Variants in PEX7 observed in about 807,000 individuals in gnomAD.
The protein encoded by PEX7 is peroxisomal biogenesis factor 7.
PEX7 carries 34 observed loss-of-function variants against 47.5 expected under a neutral mutation model. That is an observed-to-expected ratio of 0.72 (90% confidence interval 0.54 to 0.95). The LOEUF (loss-of-function observed/expected upper bound fraction) is 0.95, where lower values mean the gene tolerates loss of function less well. Ranked by LOEUF, PEX7 falls within the 40% of genes least tolerant of loss-of-function variation. The pLI is 0.00. For synonymous variants in PEX7, 141 were observed against 148.8 expected (o/e 0.95, Z 0.38); for missense variants, 394 against 400.3 (o/e 0.98, Z 0.13).
chr6:136,829,689 C>A (rs539957396), intron 3 of PEX7, among the ~76,000 whole-genome samples: 52 of 152,290 alleles, frequency 3.4e-4, no homozygotes, highest in African/African-American at 1.2e-3. Flanking sequence ...GTAATCCTAA[C>A]ACTTTGGAAG....
At chr6:136,895,763 T>C (rs939944123) in intron 8 of PEX7, among the ~76,000 whole-genome samples, 2 of 152,232 alleles carry the variant, frequency 1.3e-5, no homozygotes, top group African/African-American at 4.8e-5. Flanking sequence ...ACCAGAGCTG[T>C]GAAATGGTAT....
intron 8 of PEX7, among the ~76,000 whole-genome samples, chr6:136,887,509 A>G (rs1463617271): frequency 6.6e-6 from 1 of 152,126 alleles, no homozygotes; most frequent in East Asian, 1.9e-4. Flanking sequence ...TATATTTCTG[A>G]TCAAAGTTGC....
chr6:136,847,453 T>C (rs531249529), intron 5 of PEX7, among the ~76,000 whole-genome samples: 272 of 152,166 alleles, frequency 1.8e-3, no homozygotes, highest in Non-Finnish European at 7.9e-4. Context: ...GCCTAGGTTT[T>C]CTTCTAGGGT....
At chr6:136,855,542 G>A (rs1047415986) in intron 5 of PEX7, among the ~76,000 whole-genome samples, 22 of 152,224 alleles carry the variant, frequency 1.4e-4, no homozygotes, top group African/African-American at 5.1e-4. Context: ...CTTTCGCCTT[G>A]TTGGCCAGGC....
rs188645072 is a variant in PEX7 at position 136,826,781 on chromosome 6, C to T, written c.339+312C>T. Among the ~76,000 whole-genome samples, 15 of 152,244 alleles carry T rather than the reference C, an allele frequency of 9.9e-5. No homozygotes were observed. The East Asian group carries it at 2.9e-3, about 29-fold the overall frequency. ...TTGTGCTCTAAGAATGTGCTTGCCA[C>T]ATGGTGCCTTAAGGTAGAGGTAGGT... On this transcript the variant is annotated intron_variant, in intron 3 of 9. Transcript: ENST00000318471.
intron 8 of PEX7, among the ~76,000 whole-genome samples, chr6:136,887,392 G>C (rs930050863): frequency 1.3e-5 from 2 of 152,074 alleles, no homozygotes; most frequent in Non-Finnish European, 2.9e-5. Context: ...ATGCAAGGCT[G>C]TTCCCACAGA....
intron 8 of PEX7, among the ~76,000 whole-genome samples, chr6:136,882,890 A>C (rs983426147): frequency 6.6e-6 from 1 of 152,144 alleles, no homozygotes; most frequent in Admixed American, 6.5e-5. Flanking sequence ...ATAAGCTTCC[A>C]TTCACCAGGG....
intron 9 of PEX7, 37 bp from the exon 10 acceptor site, chr6:136,913,421 T>C (rs1348644767): frequency 3.4e-6 from 5 of 1,475,686 alleles, no homozygotes; most frequent in Admixed American, 1.7e-5. Flanking sequence ...TTTGTATGTC[T>C]AAATACGTTT....
intron 3 of PEX7, among the ~76,000 whole-genome samples, chr6:136,826,861 G>A (rs977925587): frequency 1.3e-5 from 2 of 152,090 alleles, no homozygotes; most frequent in Non-Finnish European, 2.9e-5. Flanking sequence ...TGAGATTCCC[G>A]AGGTGTTTCA....
At chr6:136,908,088 A>AAGAT (rs1416754942) in intron 9 of PEX7, among the ~76,000 whole-genome samples, 1 of 152,192 alleles carries the variant, frequency 6.6e-6, no homozygotes, top group Non-Finnish European at 1.5e-5. Flanking sequence ...TCCATGTATG[A>AAGAT]AGATGTCTTA....
At chr6:136,904,614 GGA>G (rs1562759147) in intron 9 of PEX7, among the ~76,000 whole-genome samples, 1 of 151,916 alleles carries the variant, frequency 6.6e-6, no homozygotes, top group Non-Finnish European at 1.5e-5. Flanking sequence ...TCTATAAGGG[GGA>G]GTTTCCCTGC....
rs141821805 is a variant in PEX7, at chr6:136,876,799, A to T, written c.803+4546A>T. The stretch of plus-strand genomic sequence containing the variant: ...TTGTGAACAGTGCTGCAATAAACAT[A>T]TGTGTGCATGTGTCTTTATTGTAGA... On this transcript the variant is annotated intron_variant, in intron 8 of 9. Transcript: ENST00000318471. 6.9e-3 allele frequency among the ~76,000 whole-genome samples: 1,046 copies of T among 152,238 alleles called. 13 individuals are homozygous for T. The highest frequency in any genetic ancestry group is 0.023 in the African/African-American group (970 of 41,496).
In PEX7 at chr6:136,880,101, A is replaced by G. The variant is rs549532209; in HGVS notation, c.803+7848A>G. 2.0e-3 allele frequency among the ~76,000 whole-genome samples: 299 copies of G among 149,586 alleles called. 3 individuals carry two copies. Among genetic ancestry groups the G allele is most frequent in the African/African-American group, 6.6e-3 (268 of 40,878 alleles). On this transcript the variant is annotated intron_variant, in intron 8 of 9. Coordinates refer to ENST00000318471, the MANE Select transcript of PEX7 (RefSeq NM_000288.4). ...AAGATAATTTGATTCAGTTTAGAAT[A>G]TGTTACGGTTTTCTACTTCACTATT...
rs1774168617 is a variant in PEX7, at chr6:136,825,342, CTT to C, written c.188+73_188+74del. 5 of 1,244,802 alleles carry C rather than the reference CTT, an allele frequency of 4.0e-6. No homozygotes were observed. In the Admixed American group the frequency reaches 6.8e-5, roughly 17 times the overall value. The allele number at this position is 1,244,802 out of a possible 1,614,324, so 77.1% of individuals were successfully genotyped here. A position where few individuals can be genotyped will look rare whatever the true frequency, so the allele number is the denominator to read the frequency against. ...GCCTTAATAGAATTAGGTTTTGACTCTTTGATTAATGTTTTAATATACAGTAT... is the reference window on the plus strand; with the variant it reads ...GCCTTAATAGAATTAGGTTTTGACTCTGATTAATGTTTTAATATACAGTAT... On this transcript the variant is annotated intron_variant, in intron 2 of 9. Coordinates refer to ENST00000318471, the MANE Select transcript of PEX7 (RefSeq NM_000288.4).
At chr6:136,855,788 A>G in intron 5 of PEX7, 1 of 341,134 alleles carries the variant, frequency 2.9e-6, no homozygotes, top group Non-Finnish European at 5.7e-6. Flanking sequence ...CACTGGAATG[A>G]CCAGTAAAGA....
intron 3 of PEX7, among the ~76,000 whole-genome samples, chr6:136,829,742 G>C (rs576476875): frequency 6.9e-4 from 105 of 152,286 alleles, no homozygotes; most frequent in African/African-American, 2.5e-3. Flanking sequence ...TTTGGGACCA[G>C]CCTGGCCAAC....
intron 8 of PEX7, among the ~76,000 whole-genome samples, chr6:136,892,442 T>A (rs1382010588): frequency 6.6e-6 from 1 of 152,252 alleles, no homozygotes; most frequent in Non-Finnish European, 1.5e-5. Context: ...GAAAAAGTAC[T>A]AGACATGATG....
chr6:136,850,639 T>C (rs1228459669), intron 5 of PEX7, among the ~76,000 whole-genome samples: 7 of 152,168 alleles, frequency 4.6e-5, no homozygotes, highest in Admixed American at 4.6e-4. Flanking sequence ...TGGATGGTAA[T>C]GTTATAACTG....
At chr6:136,826,193 A>G (rs1445267483) in intron 2 of PEX7, 126 bp from the exon 3 acceptor site, 9 of 1,010,668 alleles carry the variant, frequency 8.9e-6, no homozygotes, top group African/African-American at 1.6e-5. Context: ...TGCAGATTAC[A>G]TGAGATATAC....
Sources: gnomAD v4.1 joint callset for allele counts (sites outside exome capture counted in the v4.1 genomes callset) on GRCh38, gnomAD v4.1.1 for gene constraint, MANE v1.5 for transcripts, NCBI Gene and HGNC (gene_info 2026-07-23, HGNC 2026-07-21) for gene names.